The following KLF9 variants were observed in gnomAD, a reference collection of about 807,000 sequenced individuals.
The protein encoded by KLF9 is Krueppel-like factor 9.
Under a neutral mutation model 17.3 loss-of-function variants are expected in KLF9, and 2 were observed. That is an observed-to-expected ratio of 0.12 (90% confidence interval 0.05 to 0.36). The LOEUF is 0.36. KLF9 is among the 10% of genes least tolerant of loss of function. The pLI, the probability that KLF9 is intolerant of heterozygous loss-of-function variation, is 1.00. For synonymous variants in KLF9, 138 were observed against 139.2 expected, an observed-to-expected ratio of 0.99 and a Z score of 0.06; for missense variants, 226 against 333.2, an observed-to-expected ratio of 0.68 and a Z score of 2.51.
chr9:70,407,566 C>T (rs1485893330), intron 1 of KLF9, among the ~76,000 whole-genome samples: 1 of 152,212 alleles, frequency 6.6e-6, no homozygotes, highest in Admixed American at 6.5e-5. Flanking sequence ...TTCTCAGAGG[C>T]CCCCCGACTG....
At chr9:70,401,132 G>A (rs1351323620) in intron 1 of KLF9, among the ~76,000 whole-genome samples, 1 of 145,366 alleles carries the variant, frequency 6.9e-6, no homozygotes, top group African/African-American at 2.6e-5. Flanking sequence ...CCAGGAGTTC[G>A]AGACCAGCCT....
chr9:70,396,672 A>C (rs962260858), intron 1 of KLF9, among the ~76,000 whole-genome samples: 2 of 152,144 alleles, frequency 1.3e-5, no homozygotes, highest in African/African-American at 4.8e-5. Context: ...ATATATACAA[A>C]ATTTGAACAA....
intron 1 of KLF9, among the ~76,000 whole-genome samples, chr9:70,412,066 T>G (rs2037318780): frequency 6.6e-6 from 1 of 151,754 alleles, no homozygotes; most frequent in African/African-American, 2.4e-5. Flanking sequence ...TGGGAGGAAC[T>G]ATTCCCTGAG....
chr9:70,414,458 G>A lies in KLF9; in HGVS notation c.-1095C>T, dbSNP rs2037364880. On this transcript the variant is annotated 5_prime_UTR_variant, in exon 1 of 2. It adds an upstream start codon to the 5' untranslated region. Coordinates refer to ENST00000377126, the MANE Select transcript of KLF9 (RefSeq NM_001206.4). The stretch of plus-strand genomic sequence containing the variant: ...CATTGGCTCGGCCAATCACAAGGGC[G>A]TTCCGAAAGCAAGCGCTCGACACTT... 6.6e-6 allele frequency: 1 copy of A among 152,228 alleles called. No homozygotes were observed. Among genetic ancestry groups the A allele is most frequent in the Admixed American group, 6.5e-5 (1 of 15,290 alleles). 9.4% of individuals were successfully genotyped at this position (152,228 alleles called of 1,614,324 possible).
In KLF9 at chr9:70,387,014, A is replaced by G. The variant is rs2037114599; in HGVS notation, c.*762T>C. Reference sequence around the variant, plus strand: ...CTTATGTTCAAAAAGTACAACTCATACAAAGCAAGGTTTAAAAGTTCTGTA... The same window carrying G: ...CTTATGTTCAAAAAGTACAACTCATGCAAAGCAAGGTTTAAAAGTTCTGTA... On this transcript the variant is annotated 3_prime_UTR_variant, in exon 2 of 2. Transcript: ENST00000377126. 6.6e-6 allele frequency: 1 copy of G among 152,656 alleles called. No individual in the cohort carries two copies. The highest frequency in any genetic ancestry group is 1.5e-5 in the Non-Finnish European group (1 of 68,048). The allele number at this position is 152,656 out of a possible 1,614,324, so 9.5% of individuals were successfully genotyped here.
At chr9:70,404,512 G>C (rs910492948) in intron 1 of KLF9, among the ~76,000 whole-genome samples, 2 of 152,070 alleles carry the variant, frequency 1.3e-5, no homozygotes, top group Admixed American at 1.3e-4. Context: ...GGGGGTAGGG[G>C]GAAGTAGGCG....
At chr9:70,405,705 AG>A (rs1217326872) in intron 1 of KLF9, among the ~76,000 whole-genome samples, 2 of 152,158 alleles carry the variant, frequency 1.3e-5, no homozygotes, top group Non-Finnish European at 2.9e-5. Flanking sequence ...ACCATCAAAA[AG>A]GCTTTGGACA....
Position 70,387,496 on chromosome 9 carries a change from C to A in KLF9, c.*280G>T, listed in dbSNP as rs985257017. ...GAGAAAAAAAAACAAAAACAAAAAC[C>A]AAAAAACCCAAAAGCATTTGCCTTC... On this transcript the variant is annotated 3_prime_UTR_variant, in exon 2 of 2. Transcript: ENST00000377126. 8.0e-5 allele frequency: 12 copies of A among 150,338 alleles called. No homozygotes were observed. The highest frequency in any genetic ancestry group is 4.7e-4 in the South Asian group (2 of 4,226). The allele number at this position is 150,338 out of a possible 1,614,324, so 9.3% of individuals were successfully genotyped here. A position where few individuals can be genotyped will look rare whatever the true frequency, so the allele number is the denominator to read the frequency against.
intron 1 of KLF9, among the ~76,000 whole-genome samples, chr9:70,392,737 C>T (rs1457504430): frequency 6.6e-6 from 1 of 152,166 alleles, no homozygotes; most frequent in African/African-American, 2.4e-5. Context: ...GAAACCAAGT[C>T]AGGCCCTCTC....
At chr9:70,394,771 A>C (rs1019209113) in intron 1 of KLF9, among the ~76,000 whole-genome samples, 2 of 152,234 alleles carry the variant, frequency 1.3e-5, no homozygotes, top group African/African-American at 4.8e-5. Flanking sequence ...AGCCATAACC[A>C]GTCAGAATAA....
rs1288137691 is a variant in KLF9 at position 70,414,587 on chromosome 9, C to A, written c.-1224G>T. Reference sequence around the variant, plus strand: ...AGAGGACAGGGGTGATGAATAAATGCAGTGTGAATCTATAATTAAAAAAAC... The same window carrying A: ...AGAGGACAGGGGTGATGAATAAATGAAGTGTGAATCTATAATTAAAAAAAC... On this transcript the variant is annotated 5_prime_UTR_variant, in exon 1 of 2. Transcript: ENST00000377126. 1 of 152,012 alleles carries A rather than the reference C, an allele frequency of 6.6e-6. No individual in the cohort carries two copies. The highest frequency in any genetic ancestry group is 1.5e-5 in the Non-Finnish European group (1 of 68,018). 9.4% of individuals were successfully genotyped at this position (152,012 alleles called of 1,614,324 possible).
chr9:70,396,533 A>G (rs971129551), intron 1 of KLF9, among the ~76,000 whole-genome samples: 1 of 152,226 alleles, frequency 6.6e-6, no homozygotes, highest in Non-Finnish European at 1.5e-5. Context: ...TCATGCCTGT[A>G]ATCCTAACAC....
At chr9:70,397,444 C>T (rs1177249843) in intron 1 of KLF9, among the ~76,000 whole-genome samples, 1 of 151,744 alleles carries the variant, frequency 6.6e-6, no homozygotes, top group Non-Finnish European at 1.5e-5. Flanking sequence ...CACTGCACTC[C>T]AGCCTGGGTG....
At chr9:70,409,110 A>G (rs577923935) in intron 1 of KLF9, among the ~76,000 whole-genome samples, 1 of 97,862 alleles carries the variant, frequency 1.0e-5, no homozygotes, top group African/African-American at 3.1e-5. Context: ...ATGTGTATAT[A>G]TATACATATA....
intron 1 of KLF9, among the ~76,000 whole-genome samples, chr9:70,389,337 A>G (rs1352468415): frequency 6.6e-6 from 1 of 151,964 alleles, no homozygotes; most frequent in African/African-American, 2.4e-5. Context: ...TTCTCACTGA[A>G]TTTTCACAAG....
chr9:70,388,891 G>C (rs2037133118), intron 1 of KLF9, among the ~76,000 whole-genome samples: 1 of 152,192 alleles, frequency 6.6e-6, no homozygotes, highest in African/African-American at 2.4e-5. Context: ...TGTAATCCCA[G>C]CACTTTGGGA....
At chr9:70,390,657 ACTCT>A (rs142487683) in intron 1 of KLF9, among the ~76,000 whole-genome samples, 40 of 146,318 alleles carry the variant, frequency 2.7e-4, no homozygotes, top group South Asian at 6.5e-4. Context: ...ACATACACAC[ACTCT>A]CTCTCTCTCT....
At chr9:70,396,118 A>T (rs972105634) in intron 1 of KLF9, among the ~76,000 whole-genome samples, 61 of 152,302 alleles carry the variant, frequency 4.0e-4, no homozygotes, top group Admixed American at 3.9e-3. Flanking sequence ...CATACCGACC[A>T]CTGGTGGAGG....
intron 1 of KLF9, among the ~76,000 whole-genome samples, chr9:70,411,600 GAGA>G (rs2037313935): frequency 6.6e-6 from 1 of 152,208 alleles, no homozygotes; most frequent in South Asian, 2.1e-4. Flanking sequence ...GAAATGGAAT[GAGA>G]AGCAGTTACG....
Sources: allele counts gnomAD v4.1 joint callset (sites outside exome capture counted in the v4.1 genomes callset), GRCh38; gene constraint gnomAD v4.1.1; transcripts MANE v1.5; gene names NCBI Gene and HGNC (gene_info 2026-07-23, HGNC 2026-07-21).